The following MFGE8 variants were observed in gnomAD, a reference collection of about 807,000 sequenced individuals.
MFGE8 encodes milk fat globule EGF and factor V/VIII domain containing, also known as lactadherin.
Under a neutral mutation model 42.6 loss-of-function variants are expected in MFGE8, and 34 were observed. That is an observed-to-expected ratio of 0.80 (90% CI 0.61 to 1.06). MFGE8 has a LOEUF of 1.06. Ranked by LOEUF, MFGE8 falls within the 50% of genes least tolerant of loss-of-function variation. The probability of loss-of-function intolerance (pLI) is 0.00; values close to 1 mark genes in which losing one functional copy is unlikely to be tolerated. For synonymous variants in MFGE8, 230 were observed against 214.8 expected, an observed-to-expected ratio of 1.07 and a Z score of -0.62; for missense variants, 510 against 516.9, an observed-to-expected ratio of 0.99 and a Z score of 0.13.
rs1425464339 is a variant in MFGE8 at position 88,905,139 on chromosome 15, CTCCAAGCCCTGTGG to C, written c.685+604_685+617del. On this transcript the variant is annotated intron_variant, in intron 5 of 7. Coordinates refer to ENST00000268150, the MANE Select transcript of MFGE8 (RefSeq NM_005928.4). This position sits in a 1 kb window ranked among gnomAD's most constrained non-coding sequence, Gnocchi z 6.6. ...TGGAAAAGGCAGCAGGAAGCACCAGCTCCAAGCCCTGTGGTCCAAGAAGCCCCTGTGTTTCTCTG... is the reference window on the plus strand; with the variant it reads ...TGGAAAAGGCAGCAGGAAGCACCAGCTCCAAGAAGCCCCTGTGTTTCTCTG... Among the ~76,000 whole-genome samples the C allele has an allele frequency of 1.3e-5, 2 of 152,232 alleles. No individual in the cohort carries two copies. The highest frequency in any genetic ancestry group is 2.9e-5 in the Non-Finnish European group (2 of 68,046).
chr15:88,910,860 C>T (rs1439840404), intron 1 of MFGE8: 1 of 152,148 alleles, frequency 6.6e-6, no homozygotes, highest in Admixed American at 6.5e-5. Context: ...GGCTTTTAAC[C>T]TTCCTTCACC....
rs539272157 is a variant in MFGE8 at position 88,899,913 on chromosome 15, A to G, written c.871-102T>C. 3.6e-6 allele frequency: 5 copies of G among 1,390,452 alleles called. No homozygotes were observed. Among genetic ancestry groups the G allele is most frequent in the Admixed American group, 3.8e-5 (2 of 52,726 alleles). The allele number at this position is 1,390,452 out of a possible 1,614,324, so 86.1% of individuals were successfully genotyped here. ...ATGAATTCTAGTTTTGAAAAAAACT[A>G]CTTGGGTGAGCCTCAGTTTCTTTGG... On this transcript the variant is annotated intron_variant, in intron 6 of 7. Transcript: ENST00000268150. The surrounding 1 kb of genome is among the most constrained non-coding windows in gnomAD (Gnocchi z 6.8).
In MFGE8 at chr15:88,901,110, C is replaced by CACAT. The variant is rs1491132699; in HGVS notation, c.870+440_870+441insATGT. Among the ~76,000 whole-genome samples the CACAT allele has an allele frequency of 2.3e-5, 2 of 86,048 alleles. 1 individual carries two copies. Among genetic ancestry groups the CACAT allele is most frequent in the Non-Finnish European group, 5.9e-5 (2 of 34,122 alleles). The allele number at this position is 86,048 out of a possible 152,430, so 56.5% of individuals were successfully genotyped here. ...TCACACACATTCACAAATACACATT[C>CACAT]ACACATACACATTCACACACACACA... On this transcript the variant is annotated intron_variant, in intron 6 of 7. Transcript: ENST00000268150.
At chr15:88,901,201 ATTC>A (rs1898387469) in intron 6 of MFGE8, among the ~76,000 whole-genome samples, 1 of 99,392 alleles carries the variant, frequency 1.0e-5, no homozygotes, top group African/African-American at 3.7e-5. Flanking sequence ...ACATTCACAC[ATTC>A]ACACACACAC....
rs1337569184 is a variant in MFGE8, at chr15:88,905,580, TG to T, written c.685+176del. The T allele has an allele frequency of 1.3e-6, 1 of 798,338 alleles. No individual in the cohort carries two copies. The highest frequency in any genetic ancestry group is 2.0e-5 in the Admixed American group (1 of 50,178). The allele number at this position is 798,338 out of a possible 1,614,324, so 49.5% of individuals were successfully genotyped here. On this transcript the variant is annotated intron_variant, in intron 5 of 7. Transcript: ENST00000268150. The surrounding 1 kb of genome is among the most constrained non-coding windows in gnomAD (Gnocchi z 6.6). ...CATGGGTTGGCAGACAGCAAACACC[TG>T]GGTGGGGCTGCTATGGCCAGGTGAC...
In MFGE8 at chr15:88,909,811, C is replaced by G. The variant is rs201019211; in HGVS notation, c.186G>C (p.Ala62=). The change falls in exon 2 of 8, where the codon GCG becomes GCC. Residue 62 remains alanine, a synonymous_variant. Coordinates refer to ENST00000268150, the MANE Select transcript of MFGE8 (RefSeq NM_005928.4). ...SYTCTCLKGY[A]GNHCETKCVE... ...ACTCACTCGTCTCACAGTGGTTGCC[C>G]GCGTAGCCCTTAAGGCACGTGCAGG... 6.2e-7 allele frequency: 1 copy of G among 1,614,056 alleles called. No homozygotes were observed. Among genetic ancestry groups the G allele is most frequent in the African/African-American group, 1.3e-5 (1 of 74,952 alleles).
Position 88,906,041 on chromosome 15 carries a change from G to C in MFGE8, c.541-140C>G. 1 of 969,412 alleles carries C rather than the reference G, an allele frequency of 1.0e-6. No individual in the cohort carries two copies. Among genetic ancestry groups the C allele is most frequent in the Non-Finnish European group, 1.6e-6 (1 of 624,956 alleles). 60.1% of individuals were successfully genotyped at this position (969,412 alleles called of 1,614,324 possible). On this transcript the variant is annotated intron_variant, in intron 4 of 7. Transcript: ENST00000268150. The surrounding 1 kb of genome is among the most constrained non-coding windows in gnomAD (Gnocchi z 4.2). ...AAGAGGACTTGGAAGAGCCAGCAGAGGCTCACACAGCAGCCTCTCCTTTGG... is the reference window on the plus strand; with the variant it reads ...AAGAGGACTTGGAAGAGCCAGCAGACGCTCACACAGCAGCCTCTCCTTTGG...
At chr15:88,901,444 C>CT (rs1898424060) in intron 6 of MFGE8, 107 bp downstream of exon 6, 1 of 1,139,426 alleles carries the variant, frequency 8.8e-7, no homozygotes, top group Non-Finnish European at 1.3e-6. Flanking sequence ...TTCCAGAACT[C>CT]TTTTGGGGAG....
chr15:88,905,851 C>A lies in MFGE8; in HGVS notation c.591G>T (p.Glu197Asp). The change falls in exon 5 of 8, where the codon GAG (glutamate) becomes GAT (aspartate). Residue 197 changes from glutamate (E) to aspartate (D), a missense_variant. By Grantham distance (45) the Glu-to-Asp change is conservative (BLOSUM62 2). Transcript: ENST00000268150. This position sits in a 1 kb window ranked among gnomAD's most constrained non-coding sequence, Gnocchi z 6.6. ...TCACGTACTGAGCCTCCACAGGGGTCTCAAACAGGTTGACATGCACCGCGT... is the reference window on the plus strand; with the variant it reads ...TCACGTACTGAGCCTCCACAGGGGTATCAAACAGGTTGACATGCACCGCGT... The part of the protein sequence containing the change: ...NKNAVHVNLF[E>D]TPVEAQYVRL... 6.2e-7 allele frequency: 1 copy of A among 1,614,226 alleles called. No homozygotes were observed. Among genetic ancestry groups the A allele is most frequent in the Admixed American group, 1.7e-5 (1 of 60,032 alleles).
In MFGE8 at chr15:88,906,539, T is replaced by C. The variant is rs1898684136; in HGVS notation, c.540+87A>G. 1.3e-6 allele frequency: 2 copies of C among 1,519,200 alleles called. No individual in the cohort carries two copies. The highest frequency in any genetic ancestry group is 2.7e-5 in the African/African-American group (2 of 72,902). 94.1% of individuals were successfully genotyped at this position (1,519,200 alleles called of 1,614,324 possible). Reference sequence around the variant, plus strand: ...CATCATAGCCAATCACCTAGGGTTCTCTGGACTCGCTGGGGGTCCTCAGTC... The same window carrying C: ...CATCATAGCCAATCACCTAGGGTTCCCTGGACTCGCTGGGGGTCCTCAGTC... On this transcript the variant is annotated intron_variant, in intron 4 of 7. Coordinates refer to ENST00000268150, the MANE Select transcript of MFGE8 (RefSeq NM_005928.4). The surrounding 1 kb of genome is among the most constrained non-coding windows in gnomAD (Gnocchi z 4.2).
chr15:88,906,689 C>T lies in MFGE8; in HGVS notation c.477G>A (p.Lys159=). ...LASHEYLKAF[K]VAYSLNGHEF... is the part of the protein sequence containing the mutation. ...CGTGTCCATTAAGGCTGTAGGCCAC[C>T]TTGAAGGCCTTCAGGTACTCATGAC... The change falls in exon 4 of 8, where the codon AAG becomes AAA. Residue 159 remains lysine (K), a synonymous_variant. Coordinates refer to ENST00000268150, the MANE Select transcript of MFGE8 (RefSeq NM_005928.4). The surrounding 1 kb of genome is among the most constrained non-coding windows in gnomAD (Gnocchi z 4.2). 1.2e-6 allele frequency: 2 copies of T among 1,613,996 alleles called. No individual in the cohort carries two copies. The highest frequency in any genetic ancestry group is 1.7e-6 in the Non-Finnish European group (2 of 1,179,960).
chr15:88,903,867 C>A lies in MFGE8; in HGVS notation c.685+1890G>T, dbSNP rs932793205. The stretch of plus-strand genomic sequence containing the variant: ...GCTCTTCACCCACCAAGCTGCCCCT[C>A]CATCTCTTGGCTCCAGCTCCACTGG... On this transcript the variant is annotated intron_variant, in intron 5 of 7. Coordinates refer to ENST00000268150, the MANE Select transcript of MFGE8 (RefSeq NM_005928.4). This position sits in a 1 kb window ranked among gnomAD's most constrained non-coding sequence, Gnocchi z 4.9. The A allele has an allele frequency of 5.9e-5, 9 of 152,436 alleles. No individual in the cohort carries two copies. The highest frequency in any genetic ancestry group is 1.0e-4 in the Non-Finnish European group (7 of 68,170). 9.4% of individuals were successfully genotyped at this position (152,436 alleles called of 1,614,324 possible).
At chr15:88,912,397 G>A (rs1899006902) in intron 1 of MFGE8, 1 of 985,012 alleles carries the variant, frequency 1.0e-6, no homozygotes, top group Non-Finnish European at 1.2e-6. Flanking sequence ...CAGATCACAG[G>A]ACATAGGGCT....
intron 1 of MFGE8, chr15:88,910,608 G>C (rs1596204046): frequency 6.5e-6 from 1 of 154,216 alleles, no homozygotes; most frequent in Non-Finnish European, 1.4e-5. Flanking sequence ...CGTCACTGGA[G>C]GCATGATTTC....
chr15:88,908,413 C>T (rs1489871883), intron 2 of MFGE8, among the ~76,000 whole-genome samples: 1 of 152,204 alleles, frequency 6.6e-6, no homozygotes, highest in Non-Finnish European at 1.5e-5. Context: ...CCATACCCCA[C>T]CACGCTCACA....
chr15:88,906,173 G>A lies in MFGE8; in HGVS notation c.541-272C>T. ...CACAGGGCCACCTGTAACCTACAGG[G>A]TACCTCTTTGCAAATTAGGAAAAGG... On this transcript the variant is annotated intron_variant, in intron 4 of 7. Coordinates refer to ENST00000268150, the MANE Select transcript of MFGE8 (RefSeq NM_005928.4). This position sits in a 1 kb window ranked among gnomAD's most constrained non-coding sequence, Gnocchi z 4.2. The A allele has an allele frequency of 7.4e-6, 4 of 542,558 alleles. No individual in the cohort carries two copies. The highest frequency in any genetic ancestry group is 1.3e-5 in the Non-Finnish European group (4 of 301,356). The allele number at this position is 542,558 out of a possible 1,614,324, so 33.6% of individuals were successfully genotyped here.
chr15:88,912,273 G>A (rs1465648672), intron 1 of MFGE8: 4 of 1,289,318 alleles, frequency 3.1e-6, no homozygotes, highest in African/African-American at 1.5e-5. Context: ...ACAGGGAAGA[G>A]TAGAAAGGGG....
At chr15:88,910,088 T>A in intron 1 of MFGE8, 165 bp from the exon 2 acceptor site, 2 of 867,136 alleles carry the variant, frequency 2.3e-6, no homozygotes, top group Non-Finnish European at 3.7e-6. Context: ...TGAGTCCGCC[T>A]AGAGCCAAGG....
chr15:88,913,209 G>A, intron 1 of MFGE8, 38 bp downstream of exon 1: 1 of 1,487,822 alleles, frequency 6.7e-7, no homozygotes, highest in Non-Finnish European at 8.9e-7. Flanking sequence ...GGCGCGGGGA[G>A]GAGGGGCGAG....
Sources: gnomAD v4.1 joint callset for allele counts (sites outside exome capture counted in the v4.1 genomes callset) on GRCh38, gnomAD v4.1.1 for gene constraint, Gnocchi (gnomAD v3.1) non-coding constraint, MANE v1.5 for transcripts, NCBI Gene and HGNC (gene_info 2026-07-23, HGNC 2026-07-21) for gene names.